VTI1A: variants seen among roughly 807,000 people sequenced by gnomAD.
The protein encoded by VTI1A is vesicle transport through interaction with t-SNAREs 1A.
VTI1A carries 22 observed loss-of-function variants against 34.9 expected under a neutral mutation model. That is an observed-to-expected ratio of 0.63 (90% confidence interval 0.45 to 0.90). The LOEUF (loss-of-function observed/expected upper bound fraction) is 0.90. VTI1A is among the 40% of genes least tolerant of loss of function. The pLI is 0.00. For missense variants in VTI1A, 268 were observed against 275.6 expected (o/e 0.97, Z 0.20); for synonymous variants, 87 against 97.3 (o/e 0.89, Z 0.62).
At chr10:112,807,648 G>A (rs563283579) in intron 7 of VTI1A, among the ~76,000 whole-genome samples, 2 of 152,234 alleles carry the variant, frequency 1.3e-5, no homozygotes, top group East Asian at 3.9e-4. Context: ...GAGGTCAGGA[G>A]TTCGAAACTA....
intron 5 of VTI1A, among the ~76,000 whole-genome samples, chr10:112,593,760 G>A (rs1436348653): frequency 6.6e-6 from 1 of 151,548 alleles, no homozygotes; most frequent in Non-Finnish European, 1.5e-5. Context: ...TTTTTGAGAC[G>A]GAGTCTTGCT....
intron 5 of VTI1A, among the ~76,000 whole-genome samples, chr10:112,589,426 A>G (rs1317115483): frequency 1.6e-5 from 2 of 121,850 alleles, no homozygotes; most frequent in Non-Finnish European, 3.7e-5. Context: ...ATGATCGTGG[A>G]ACTGTAAGTT....
chr10:112,574,755 G>A (rs1852268673), intron 5 of VTI1A, among the ~76,000 whole-genome samples: 1 of 152,216 alleles, frequency 6.6e-6, no homozygotes, highest in African/African-American at 2.4e-5. Flanking sequence ...GTAAATGAGT[G>A]AGTACAGTGT....
At chr10:112,507,058 T>C (rs963225357) in intron 3 of VTI1A, among the ~76,000 whole-genome samples, 13 of 152,104 alleles carry the variant, frequency 8.5e-5, no homozygotes, top group Admixed American at 3.9e-4. Flanking sequence ...GTTTTGGCTT[T>C]TTTGGTTTTG....
chr10:112,480,047 C>G (rs1246686785), intron 3 of VTI1A, among the ~76,000 whole-genome samples: 7 of 152,126 alleles, frequency 4.6e-5, no homozygotes. Flanking sequence ...TACCTAAAGA[C>G]AGCAAGAAAA....
intron 5 of VTI1A, among the ~76,000 whole-genome samples, chr10:112,580,469 G>C (rs927003307): frequency 6.6e-6 from 1 of 152,110 alleles, no homozygotes; most frequent in Non-Finnish European, 1.5e-5. Flanking sequence ...CCATCGCAAA[G>C]GCCCAGCTGA....
chr10:112,653,733 A>G (rs563007553), intron 5 of VTI1A, among the ~76,000 whole-genome samples: 8 of 152,358 alleles, frequency 5.3e-5, no homozygotes, highest in African/African-American at 1.9e-4. Context: ...CATTCATTGC[A>G]GTATTTTATA....
chr10:112,597,239 C>T (rs563498844), intron 5 of VTI1A, among the ~76,000 whole-genome samples: 1 of 152,082 alleles, frequency 6.6e-6, no homozygotes, highest in African/African-American at 2.4e-5. Flanking sequence ...TTTTTTGAGA[C>T]AGAATTTCAC....
intron 5 of VTI1A, among the ~76,000 whole-genome samples, chr10:112,573,279 T>C (rs1852209126): frequency 6.6e-6 from 1 of 152,134 alleles, no homozygotes; most frequent in Non-Finnish European, 1.5e-5. Context: ...TGCTCTATTA[T>C]CCGAAATAAA....
chr10:112,476,722 G>A (rs1314656502), intron 3 of VTI1A, among the ~76,000 whole-genome samples: 1 of 152,168 alleles, frequency 6.6e-6, no homozygotes, highest in African/African-American at 2.4e-5. Flanking sequence ...TGAATAAAGT[G>A]TGTCAATTTT....
At chr10:112,490,797 C>T (rs1281590417) in intron 3 of VTI1A, among the ~76,000 whole-genome samples, 1 of 152,066 alleles carries the variant, frequency 6.6e-6, no homozygotes, top group Non-Finnish European at 1.5e-5. Context: ...GGTAAACATA[C>T]TTCAGATGTT....
chr10:112,635,839 C>T (rs1302559605), intron 5 of VTI1A, among the ~76,000 whole-genome samples: 1 of 152,138 alleles, frequency 6.6e-6, no homozygotes, highest in Non-Finnish European at 1.5e-5. Flanking sequence ...AGGCACATAG[C>T]AAGAAGCTGT....
chr10:112,472,702 A>G (rs1031954154), intron 3 of VTI1A, among the ~76,000 whole-genome samples: 1 of 152,092 alleles, frequency 6.6e-6, no homozygotes, highest in Non-Finnish European at 1.5e-5. Context: ...TGTGGAAGCT[A>G]TGGGAAACCA....
At chr10:112,593,646 C>T (rs1191619411) in intron 5 of VTI1A, among the ~76,000 whole-genome samples, 1 of 152,154 alleles carries the variant, frequency 6.6e-6, no homozygotes, top group Non-Finnish European at 1.5e-5. Context: ...CCAGTCTAAA[C>T]ATTTTTTGGT....
At chr10:112,834,610 C>G in the VTI1A span, among the ~76,000 whole-genome samples, 1 of 152,242 alleles carries the variant, frequency 6.6e-6, no homozygotes, top group African/African-American at 2.4e-5. Context: ...TACCACCTCT[C>G]CATTCTCCTC....
downstream of VTI1A, among the ~76,000 whole-genome samples, chr10:112,822,461 T>C (rs1853671190): frequency 6.6e-6 from 1 of 152,156 alleles, no homozygotes; most frequent in African/African-American, 2.4e-5. Context: ...GCAGGAAAAT[T>C]GTGTCCCTCC....
At chr10:112,525,745 G>C (rs1850200292) in intron 3 of VTI1A, among the ~76,000 whole-genome samples, 1 of 138,502 alleles carries the variant, frequency 7.2e-6, no homozygotes, top group South Asian at 2.5e-4. Context: ...AAGATAATTG[G>C]GAAAAGTTGT....
At chr10:112,650,940 G>A (rs1406623750) in intron 5 of VTI1A, among the ~76,000 whole-genome samples, 1 of 152,104 alleles carries the variant, frequency 6.6e-6, no homozygotes, top group Admixed American at 6.5e-5. Context: ...ATTCTCATCT[G>A]TTTATATGAC....
chr10:112,512,098 T>C (rs1849633336), intron 3 of VTI1A, among the ~76,000 whole-genome samples: 1 of 152,176 alleles, frequency 6.6e-6, no homozygotes, highest in African/African-American at 2.4e-5. Flanking sequence ...GATTGCTGGA[T>C]CGAATGGTAC....
Sources: allele counts gnomAD v4.1 joint callset (sites outside exome capture counted in the v4.1 genomes callset), GRCh38; gene constraint gnomAD v4.1.1; transcripts MANE v1.5; gene names NCBI Gene and HGNC (gene_info 2026-07-23, HGNC 2026-07-21).